Variants in OTUD7A observed in about 807,000 individuals in gnomAD.
OTUD7A encodes OTU domain-containing protein 7A.
Under a neutral mutation model 65.7 loss-of-function variants are expected in OTUD7A, and 12 were observed. That is an observed-to-expected ratio of 0.18 (90% confidence interval 0.12 to 0.30). The LOEUF is 0.30. Ranked by LOEUF, OTUD7A falls within the 10% of genes least tolerant of loss-of-function variation. OTUD7A has a pLI of 1.00. For synonymous variants in OTUD7A, 641 were observed against 586.3 expected (o/e 1.09, Z -1.35); for missense variants, 1,148 against 1,304.8 (o/e 0.88, Z 1.85).
intron 1 of OTUD7A, among the ~76,000 whole-genome samples, chr15:31,696,105 T>C (rs1893075716): frequency 1.3e-5 from 2 of 151,420 alleles, no homozygotes; most frequent in South Asian, 4.3e-4. Context: ...GGGGAAGGAT[T>C]TGGTGTAGCT....
At chr15:31,559,554 GCA>G (rs1459905189) in intron 4 of OTUD7A, among the ~76,000 whole-genome samples, 1 of 152,008 alleles carries the variant, frequency 6.6e-6, no homozygotes, top group Non-Finnish European at 1.5e-5. Context: ...TCATATGCAT[GCA>G]CACACTAGAC....
intron 1 of OTUD7A, chr15:31,766,133 A>G (rs1448401970): frequency 6.9e-7 from 1 of 1,445,612 alleles, no homozygotes; most frequent in Non-Finnish European, 9.7e-7. Flanking sequence ...AGGGTACTTG[A>G]AGAATTTCCT....
chr15:31,644,100 G>T (rs1257001500), intron 3 of OTUD7A, among the ~76,000 whole-genome samples: 1 of 151,916 alleles, frequency 6.6e-6, no homozygotes, highest in Admixed American at 6.6e-5. Context: ...CAAAAGACCT[G>T]CCTGTATAAT....
At chr15:31,845,540 C>G (rs1028076225) in intron 1 of OTUD7A, among the ~76,000 whole-genome samples, 13 of 152,240 alleles carry the variant, frequency 8.5e-5, no homozygotes, top group African/African-American at 3.1e-4. Context: ...ACAGAGGATC[C>G]GGCTCTGGGC....
intron 1 of OTUD7A, among the ~76,000 whole-genome samples, chr15:31,666,842 G>A (rs1892334745): frequency 6.6e-6 from 1 of 152,028 alleles, no homozygotes; most frequent in Non-Finnish European, 1.5e-5. Flanking sequence ...TATTGTCGTT[G>A]AGTTTGAATA....
At chr15:31,626,829 G>A (rs1278807044) in intron 3 of OTUD7A, among the ~76,000 whole-genome samples, 1 of 151,398 alleles carries the variant, frequency 6.6e-6, no homozygotes, top group Non-Finnish European at 1.5e-5. Flanking sequence ...TCCTGCCTTG[G>A]CCTCCCAAAG....
chr15:31,847,944 T>C (rs1238427832), intron 1 of OTUD7A, among the ~76,000 whole-genome samples: 2 of 152,120 alleles, frequency 1.3e-5, no homozygotes, highest in Admixed American at 6.5e-5. Context: ...CTCACTATCA[T>C]GAGAACAGCA....
intron 1 of OTUD7A, among the ~76,000 whole-genome samples, chr15:31,848,924 A>G (rs1897353998): frequency 6.6e-6 from 1 of 152,236 alleles, no homozygotes; most frequent in South Asian, 2.1e-4. Flanking sequence ...CTTCAGAGTT[A>G]GAAACAGGCC....
intron 1 of OTUD7A, among the ~76,000 whole-genome samples, chr15:31,851,051 G>A (rs557666458): frequency 2.9e-4 from 44 of 152,242 alleles, no homozygotes; most frequent in Admixed American, 5.9e-4. Flanking sequence ...GTTGATTCAA[G>A]CATTTTTAAA....
chr15:31,503,941 G>T lies in OTUD7A; in HGVS notation c.894-123C>A. 2.5e-6 allele frequency: 3 copies of T among 1,198,944 alleles called. No homozygotes were observed. In the East Asian group the frequency reaches 7.6e-5, roughly 30 times the overall value. The allele number at this position is 1,198,944 out of a possible 1,614,324, so 74.3% of individuals were successfully genotyped here. A position where few individuals can be genotyped will look rare whatever the true frequency, so the allele number is the denominator to read the frequency against. On this transcript the variant is annotated intron_variant, in intron 8 of 12. Coordinates refer to ENST00000307050, the MANE Select transcript of OTUD7A (RefSeq NM_001382637.1). Reference sequence around the variant, plus strand: ...TCTGGATATTATCTTCATGGACCCCGGCAGCTGCGCCATCCTGGGCCACTT... The same window carrying T: ...TCTGGATATTATCTTCATGGACCCCTGCAGCTGCGCCATCCTGGGCCACTT...
chr15:31,633,750 T>G (rs1891249626), intron 3 of OTUD7A, among the ~76,000 whole-genome samples: 1 of 152,276 alleles, frequency 6.6e-6, no homozygotes, highest in East Asian at 1.9e-4. Flanking sequence ...CAACTCCTTG[T>G]GGGGAACCTG....
chr15:31,719,958 C>G (rs1307381362), intron 1 of OTUD7A, among the ~76,000 whole-genome samples: 2 of 152,170 alleles, frequency 1.3e-5, no homozygotes, highest in Admixed American at 1.3e-4. Context: ...TGTCCCCTTC[C>G]TCAAGTTTCC....
intron 1 of OTUD7A, among the ~76,000 whole-genome samples, chr15:31,860,677 G>GTGTATGTATATATATATATA (rs560896384): frequency 5.5e-5 from 4 of 73,284 alleles, no homozygotes; most frequent in Non-Finnish European, 7.9e-5. Flanking sequence ...ATGTATGTGT[G>GTGTATGTATATATATATATA]TATATATATA....
intron 5 of OTUD7A, among the ~76,000 whole-genome samples, chr15:31,554,764 G>T (rs1888437058): frequency 6.6e-6 from 1 of 152,138 alleles, no homozygotes; most frequent in Non-Finnish European, 1.5e-5. Flanking sequence ...AGAGACCCCG[G>T]TCTCCGAGCC....
intron 1 of OTUD7A, among the ~76,000 whole-genome samples, chr15:31,769,838 A>G (rs1405561838): frequency 1.3e-5 from 2 of 152,214 alleles, no homozygotes; most frequent in Non-Finnish European, 2.9e-5. Context: ...ACAAACGGGC[A>G]GCTTGGGGGA....
chr15:31,665,645 C>T (rs1352755035), intron 1 of OTUD7A, among the ~76,000 whole-genome samples: 1 of 152,096 alleles, frequency 6.6e-6, no homozygotes, highest in East Asian at 1.9e-4. Context: ...GATGTGGATG[C>T]CCTTTATTTC....
intron 3 of OTUD7A, among the ~76,000 whole-genome samples, 161 bp from the exon 4 acceptor site, chr15:31,570,358 G>C (rs1359561174): frequency 6.6e-6 from 1 of 151,812 alleles, no homozygotes; most frequent in African/African-American, 2.4e-5. Flanking sequence ...CCCTCTGCAT[G>C]ACTCTAAAAG....
At chr15:31,522,042 G>A (rs1485089741) in intron 8 of OTUD7A, among the ~76,000 whole-genome samples, 1 of 152,182 alleles carries the variant, frequency 6.6e-6, no homozygotes, top group Non-Finnish European at 1.5e-5. Context: ...TCAAGAGTGT[G>A]GGCTTAGGTT....
intron 12 of OTUD7A, among the ~76,000 whole-genome samples, chr15:31,485,821 TCAAG>T (rs1407495785): frequency 1.3e-5 from 2 of 152,182 alleles, no homozygotes; most frequent in Non-Finnish European, 2.9e-5. Context: ...CTCAAACCCT[TCAAG>T]CAAGTTCAAG....
Sources: allele counts gnomAD v4.1 joint callset (sites outside exome capture counted in the v4.1 genomes callset), GRCh38; gene constraint gnomAD v4.1.1; transcripts MANE v1.5; gene names NCBI Gene and HGNC (gene_info 2026-07-23, HGNC 2026-07-21).